Variants in SEMA5A observed in about 807,000 individuals in gnomAD.
SEMA5A encodes semaphorin-5A.
Under a neutral mutation model 135.5 loss-of-function variants are expected in SEMA5A, and 55 were observed. That is an observed-to-expected ratio of 0.41 (90% CI 0.33 to 0.51). SEMA5A has a LOEUF of 0.51. SEMA5A is among the 20% of genes least tolerant of loss of function. SEMA5A has a pLI of 0.37. For synonymous variants in SEMA5A, 580 were observed against 546.5 expected, an observed-to-expected ratio of 1.06 and a Z score of -0.85; for missense variants, 1,290 against 1,419.9, an observed-to-expected ratio of 0.91 and a Z score of 1.47.
At chr5:9,536,385 G>C (rs1299410962) in intron 1 of SEMA5A, among the ~76,000 whole-genome samples, 2 of 152,148 alleles carry the variant, frequency 1.3e-5, no homozygotes, top group African/African-American at 2.4e-5. Context: ...GGCCAAGGTG[G>C]GTGGATCACT....
chr5:9,485,795 A>G (rs1734678276), intron 1 of SEMA5A, among the ~76,000 whole-genome samples: 1 of 152,180 alleles, frequency 6.6e-6, no homozygotes, highest in Non-Finnish European at 1.5e-5. Flanking sequence ...TTATTAGAAA[A>G]ACCAACATCA....
intron 15 of SEMA5A, among the ~76,000 whole-genome samples, chr5:9,109,028 A>ATTTTTTTTTTTTTTTTTTTTTTT (rs67762219): frequency 1.1e-5 from 1 of 92,440 alleles, no homozygotes; most frequent in African/African-American, 4.6e-5. Flanking sequence ...TTTCTCTTCA[A>ATTTTTTTTTTTTTTTTTTTTTTT]TTTTTTTTTT....
intron 13 of SEMA5A, among the ~76,000 whole-genome samples, chr5:9,128,603 G>C (rs1013747239): frequency 6.6e-6 from 1 of 152,112 alleles, no homozygotes; most frequent in Non-Finnish European, 1.5e-5. Flanking sequence ...GATGAAAATA[G>C]TCCTTAATTA....
chr5:9,421,160 C>T (rs952637859), intron 2 of SEMA5A, among the ~76,000 whole-genome samples: 8 of 152,172 alleles, frequency 5.3e-5, no homozygotes, highest in Non-Finnish European at 1.0e-4. Flanking sequence ...AGTGTACTGC[C>T]TTCTGTATCT....
intron 14 of SEMA5A, among the ~76,000 whole-genome samples, 195 bp downstream of exon 14, chr5:9,122,461 A>T (rs140792526): frequency 1.4e-3 from 209 of 152,390 alleles, no homozygotes; most frequent in African/African-American, 4.5e-3. Context: ...GTATGTGAAT[A>T]AGCGTAGATC....
At chr5:9,127,612 TG>T (rs797002727) in intron 13 of SEMA5A, among the ~76,000 whole-genome samples, 19 of 152,310 alleles carry the variant, frequency 1.2e-4, no homozygotes, top group African/African-American at 4.6e-4. Flanking sequence ...CTTCTGTGTT[TG>T]GGGGTTTATT....
At chr5:9,468,714 A>G (rs945575596) in intron 1 of SEMA5A, among the ~76,000 whole-genome samples, 2 of 152,204 alleles carry the variant, frequency 1.3e-5, no homozygotes, top group African/African-American at 4.8e-5. Flanking sequence ...GCATCCATTT[A>G]CTCGGCCAAT....
At chr5:9,523,899 G>A (rs1412541128) in intron 1 of SEMA5A, among the ~76,000 whole-genome samples, 1 of 151,828 alleles carries the variant, frequency 6.6e-6, no homozygotes, top group Non-Finnish European at 1.5e-5. Flanking sequence ...TCAGTGTTAT[G>A]TTATCACTAT....
intron 16 of SEMA5A, among the ~76,000 whole-genome samples, chr5:9,106,930 A>G (rs765835827): frequency 2.0e-5 from 3 of 152,194 alleles, no homozygotes; most frequent in Non-Finnish European, 4.4e-5. Context: ...GTAATTTCCA[A>G]TAACAGAAAT....
intron 18 of SEMA5A, 62 bp from the exon 19 acceptor site, chr5:9,054,319 T>C (rs1736769728): frequency 1.3e-6 from 2 of 1,549,250 alleles, no homozygotes; most frequent in Admixed American, 3.9e-5. Flanking sequence ...TGAAAGGAGT[T>C]ACTAAATGGA....
rs539981004 is a variant in SEMA5A at position 9,084,595 on chromosome 5, T to C, written c.2074-17949A>G. Among the ~76,000 whole-genome samples the C allele has an allele frequency of 3.0e-3, 462 of 152,340 alleles. 1 individual carries two copies. The highest frequency in any genetic ancestry group is 0.01 in the African/African-American group (436 of 41,578). On this transcript the variant is annotated intron_variant, in intron 16 of 22. Transcript: ENST00000382496. ...GTCTCCTGCCATGTGAGATATGCCT[T>C]TCACATTCCACCATAATTGTGAGGC... is the stretch of plus-strand genomic sequence containing the variant.
At chr5:9,465,574 C>A (rs1035764716) in intron 1 of SEMA5A, among the ~76,000 whole-genome samples, 4 of 152,136 alleles carry the variant, frequency 2.6e-5, no homozygotes, top group African/African-American at 7.2e-5. Flanking sequence ...TGAATCCAAG[C>A]AAATGAAATG....
In SEMA5A at chr5:9,336,740, T is replaced by C. The variant is rs77495114; in HGVS notation, c.224+973A>G. Among the ~76,000 whole-genome samples, 742 of 152,288 alleles carry C rather than the reference T, an allele frequency of 4.9e-3. 6 individuals are homozygous for C. The highest frequency in any genetic ancestry group is 0.01 in the Middle Eastern group (3 of 294). On this transcript the variant is annotated intron_variant, in intron 4 of 22. Transcript: ENST00000382496. ...GAGCAAAAGCAACGATCCTAGAAAC[T>C]GTTCAATGTTTATCTAGAGTGCCCA...
At chr5:9,082,862 CA>C (rs1172523940) in intron 16 of SEMA5A, among the ~76,000 whole-genome samples, 1 of 152,150 alleles carries the variant, frequency 6.6e-6, no homozygotes. Context: ...ATATCCACAG[CA>C]GGGTGCATTT....
intron 5 of SEMA5A, among the ~76,000 whole-genome samples, chr5:9,279,680 TAGTG>T (rs1347739417): frequency 6.6e-6 from 1 of 152,088 alleles, no homozygotes; most frequent in Non-Finnish European, 1.5e-5. Flanking sequence ...GTTCTCATGA[TAGTG>T]AGTGAGTTCT....
Position 9,197,303 on chromosome 5 carries a change from C to G in SEMA5A, c.933G>C (p.Val311=). 6.2e-7 allele frequency: 1 copy of G among 1,602,524 alleles called. No homozygotes were observed. Among genetic ancestry groups the G allele is most frequent in the Non-Finnish European group, 8.5e-7 (1 of 1,176,434 alleles). ...DLIYGIFTTN[V]NSIAASAVCV... ...ACACAGCTGAGGCCGCAATGCTGTT[C>G]CTGGGAGCGGAGGGAGAGAGAGAAG... Residue 311 remains valine, a splice_region_variant and synonymous_variant, in exon 10 of 23, where the codon GTG becomes GTC. Coordinates refer to ENST00000382496, the MANE Select transcript of SEMA5A (RefSeq NM_003966.3).
intron 13 of SEMA5A, among the ~76,000 whole-genome samples, chr5:9,133,313 T>C (rs1015673667): frequency 2.0e-5 from 3 of 152,250 alleles, no homozygotes; most frequent in Non-Finnish European, 4.4e-5. Flanking sequence ...TTAGATAATA[T>C]GAATTTCTCA....
At chr5:9,291,859 G>GT (rs1288101938) in intron 5 of SEMA5A, among the ~76,000 whole-genome samples, 2 of 150,004 alleles carry the variant, frequency 1.3e-5, no homozygotes, top group African/African-American at 4.9e-5. Context: ...AAATCACTAT[G>GT]TTTTGTGGTG....
chr5:9,119,686 C>G (rs1041786228), intron 14 of SEMA5A, among the ~76,000 whole-genome samples: 1 of 152,064 alleles, frequency 6.6e-6, no homozygotes. Context: ...GTTAGAATAA[C>G]TATCAAAGCT....
Sources: gnomAD v4.1 joint callset for allele counts (sites outside exome capture counted in the v4.1 genomes callset) on GRCh38, gnomAD v4.1.1 for gene constraint, MANE v1.5 for transcripts, NCBI Gene and HGNC (gene_info 2026-07-23, HGNC 2026-07-21) for gene names.